MTUS2: variants seen among roughly 807,000 people sequenced by gnomAD.
The protein encoded by MTUS2 is microtubule associated scaffold protein 2.
MTUS2 carries 40 observed loss-of-function variants against 114.1 expected under a neutral mutation model. That is an observed-to-expected ratio of 0.35 (90% CI 0.27 to 0.46). MTUS2 has a LOEUF of 0.46. MTUS2 is among the 20% of genes least tolerant of loss of function. The probability of loss-of-function intolerance (pLI) is 1.00; values close to 1 mark genes in which losing one functional copy is unlikely to be tolerated. For synonymous variants in MTUS2, 688 were observed against 672.0 expected (o/e 1.02, Z -0.37); for missense variants, 1,679 against 1,705.4 (o/e 0.98, Z 0.27).
At chr13:28,884,416 G>C (rs1878468279) in intron 2 of MTUS2, among the ~76,000 whole-genome samples, 1 of 152,214 alleles carries the variant, frequency 6.6e-6, no homozygotes, top group Non-Finnish European at 1.5e-5. Context: ...AGAGGAATGG[G>C]TATAGACTTT....
intron 2 of MTUS2, among the ~76,000 whole-genome samples, chr13:28,948,580 C>A (rs1447622449): frequency 1.3e-5 from 2 of 152,156 alleles, no homozygotes; most frequent in Admixed American, 1.3e-4. Flanking sequence ...GATTTTTCCC[C>A]CTTATTCCAA....
At chr13:29,314,782 A>T (rs1347888950) in intron 6 of MTUS2, among the ~76,000 whole-genome samples, 2 of 152,202 alleles carry the variant, frequency 1.3e-5, no homozygotes, top group African/African-American at 4.8e-5. Flanking sequence ...TTGTTTTAAA[A>T]AATAGTTTTC....
In MTUS2 at chr13:28,980,589, T is replaced by G. The variant is rs924238884; in HGVS notation, c.-242-43868T>G. On this transcript the variant is annotated intron_variant, in intron 2 of 15. Transcript: ENST00000612955. The stretch of plus-strand genomic sequence containing the variant: ...CATTATCAGAAAACAGGGAGCTGCT[T>G]CTTTTAGCTCACGGGGATGGCTACT... Among the ~76,000 whole-genome samples, 18 of 152,230 alleles carry G rather than the reference T, an allele frequency of 1.2e-4. No individual in the cohort carries two copies. In the East Asian group the frequency reaches 1.3e-3, roughly 11 times the overall value.
At chr13:29,130,681 A>C (rs961005252) in intron 5 of MTUS2, among the ~76,000 whole-genome samples, 1 of 152,066 alleles carries the variant, frequency 6.6e-6, no homozygotes, top group Non-Finnish European at 1.5e-5. Flanking sequence ...GCCGGAGTGC[A>C]ATGGTGTGAT....
chr13:29,316,308 A>G (rs4238118), intron 6 of MTUS2, among the ~76,000 whole-genome samples: 60,732 of 150,004 alleles, frequency 0.4, 12,678 homozygotes, highest in African/African-American at 0.49. Flanking sequence ...ATTGAGGACA[A>G]AGGTAGGGGA....
intron 5 of MTUS2, among the ~76,000 whole-genome samples, chr13:29,119,335 C>G (rs916361342): frequency 6.6e-6 from 1 of 151,790 alleles, no homozygotes; most frequent in Non-Finnish European, 1.5e-5. Flanking sequence ...GTTGCTGGAC[C>G]TTGTGGACAC....
At chr13:29,190,143 A>T (rs989374338) in intron 5 of MTUS2, among the ~76,000 whole-genome samples, 12 of 152,214 alleles carry the variant, frequency 7.9e-5, no homozygotes, top group African/African-American at 2.9e-4. Flanking sequence ...CTATTGTTTA[A>T]ACAACTCAGT....
At chr13:29,252,939 G>A (rs533625619) in intron 5 of MTUS2, among the ~76,000 whole-genome samples, 58 of 152,002 alleles carry the variant, frequency 3.8e-4, no homozygotes, top group African/African-American at 9.2e-4. Flanking sequence ...CCTTGTCTCC[G>A]GTATGTCTTT....
In MTUS2 at chr13:29,324,664, C is replaced by A; in HGVS notation, c.2858C>A (p.Ser953Ter). 1 of 1,598,884 alleles carries A rather than the reference C, an allele frequency of 6.3e-7. No homozygotes were observed. Among genetic ancestry groups the A allele is most frequent in the East Asian group, 2.2e-5 (1 of 44,554 alleles). The change falls in exon 7 of 16, where the codon TCA (serine) becomes TAA (stop). Residue 953 changes from serine to a stop codon, truncating the protein, a stop_gained. Transcript: ENST00000612955. LOFTEE classifies it high-confidence loss of function. ...KDQDTNKPAV[S>*]SPKRVAASTT... The stretch of plus-strand genomic sequence containing the variant: ...CAAGATACGAATAAACCTGCTGTTT[C>A]ATCTCCTAAGAGAGTAGCAGCTTCA...
chr13:28,857,174 G>A (rs1266416428), intron 2 of MTUS2, among the ~76,000 whole-genome samples: 1 of 152,224 alleles, frequency 6.6e-6, no homozygotes, highest in Non-Finnish European at 1.5e-5. Flanking sequence ...GCCATCTCGA[G>A]TATAGAATGG....
rs1304470807 is a variant in MTUS2, at chr13:29,219,079, G to A, written c.2645-62625G>A. Among the ~76,000 whole-genome samples the A allele has an allele frequency of 2.5e-3, 363 of 145,998 alleles. 2 individuals are homozygous for A. The highest frequency in any genetic ancestry group is 8.6e-3 in the African/African-American group (338 of 39,120). On this transcript the variant is annotated intron_variant, in intron 5 of 15. Coordinates refer to ENST00000612955, the MANE Select transcript of MTUS2 (RefSeq NM_001033602.4). ...GCTGGTGCGCTGCACCCGCTAACTC[G>A]TCATCTAGCATTAGGTATATCTCCC...
At chr13:28,829,022 GTCTC>G (rs1474226135) in intron 1 of MTUS2, among the ~76,000 whole-genome samples, 2 of 152,092 alleles carry the variant, frequency 1.3e-5, no homozygotes, top group African/African-American at 4.8e-5. Flanking sequence ...ATTCTGAAAA[GTCTC>G]TCCTGCACAA....
At chr13:29,376,691 T>C (rs896371011) in intron 8 of MTUS2, among the ~76,000 whole-genome samples, 1 of 152,192 alleles carries the variant, frequency 6.6e-6, no homozygotes, top group African/African-American at 2.4e-5. Flanking sequence ...TTATTGTCTA[T>C]AGCTGCTTTC....
chr13:29,315,362 G>A (rs1899943421), intron 6 of MTUS2, among the ~76,000 whole-genome samples: 1 of 152,158 alleles, frequency 6.6e-6, no homozygotes, highest in African/African-American at 2.4e-5. Flanking sequence ...GTGAGGTGAT[G>A]GGTATGCTAG....
At chr13:29,171,067 A>G (rs1018644206) in intron 5 of MTUS2, among the ~76,000 whole-genome samples, 3 of 152,220 alleles carry the variant, frequency 2.0e-5, no homozygotes, top group East Asian at 1.9e-4. Context: ...CATTGTGCAT[A>G]TTCTTACAAA....
intron 14 of MTUS2, among the ~76,000 whole-genome samples, chr13:29,500,456 G>A (rs1032113692): frequency 3.3e-5 from 5 of 152,246 alleles, no homozygotes; most frequent in Non-Finnish European, 5.9e-5. Context: ...CACGCTAACA[G>A]AGGGAAAGGC....
chr13:29,204,860 T>C (rs1895117383), intron 5 of MTUS2, among the ~76,000 whole-genome samples: 2 of 152,178 alleles, frequency 1.3e-5, no homozygotes, highest in Admixed American at 6.5e-5. Flanking sequence ...CTGCTGGCCA[T>C]AGGGTCCCTC....
At chr13:28,832,797 T>G (rs143761078) in intron 1 of MTUS2, among the ~76,000 whole-genome samples, 19 of 150,468 alleles carry the variant, frequency 1.3e-4, no homozygotes, top group African/African-American at 4.6e-4. Context: ...AACAAAAAGT[T>G]GTCTTTTGAA....
chr13:29,219,997 CTT>C (rs779482115), intron 5 of MTUS2, among the ~76,000 whole-genome samples: 3,788 of 143,122 alleles, frequency 0.026, 145 homozygotes, highest in African/African-American at 0.089. Flanking sequence ...TGGAACAGCA[CTT>C]TTTTTTTTTT....
Sources: gnomAD v4.1 joint callset for allele counts (sites outside exome capture counted in the v4.1 genomes callset) on GRCh38, gnomAD v4.1.1 for gene constraint, MANE v1.5 for transcripts, NCBI Gene and HGNC (gene_info 2026-07-23, HGNC 2026-07-21) for gene names.